Variants in HSF2BP observed in about 807,000 individuals in gnomAD.
HSF2BP encodes heat shock factor 2-binding protein.
HSF2BP carries 35 observed loss-of-function variants against 35.0 expected under a neutral mutation model. The ratio of observed to expected loss-of-function variants is 1.00; its 90% CI spans 0.76 to 1.32. The LOEUF (loss-of-function observed/expected upper bound fraction) is 1.32. HSF2BP is among the 40% of genes most tolerant of loss of function. The probability of loss-of-function intolerance (pLI) is 0.00; values close to 1 mark genes in which losing one functional copy is unlikely to be tolerated. For missense variants in HSF2BP, 326 were observed against 321.7 expected (o/e 1.01, Z -0.10); for synonymous variants, 114 against 117.4 (o/e 0.97, Z 0.18).
At chr21:43,581,011 T>C (rs17004583) in intron 8 of HSF2BP, among the ~76,000 whole-genome samples, 10,543 of 152,154 alleles carry the variant, frequency 0.069, 723 homozygotes, top group African/African-American at 0.17. Flanking sequence ...ACTGGTGCCA[T>C]GGAAAAGATG....
rs2082646678 is a variant in HSF2BP at position 43,642,236 on chromosome 21, T to C, written c.291+2053A>G. ...AAATTTAGCTGGATGTCATGGCACA[T>C]CTCTGTAGTCCCAGCCACTCTGGAG... On this transcript the variant is annotated intron_variant, in intron 4 of 8. Transcript: ENST00000291560. Among the ~76,000 whole-genome samples, 4 of 152,272 alleles carry C rather than the reference T, an allele frequency of 2.6e-5. No individual in the cohort carries two copies. The South Asian group carries it at 8.3e-4, about 32-fold the overall frequency.
At chr21:43,581,157 C>T (rs1211067783) in intron 8 of HSF2BP, among the ~76,000 whole-genome samples, 6 of 152,118 alleles carry the variant, frequency 3.9e-5, no homozygotes, top group African/African-American at 1.2e-4. Flanking sequence ...GAAGACGAGG[C>T]GGGCGGATCA....
rs549514834 is a variant in HSF2BP, at chr21:43,579,917, T to C, written c.796+12308A>G. 3.9e-5 allele frequency among the ~76,000 whole-genome samples: 6 copies of C among 152,332 alleles called. No homozygotes were observed. In the East Asian group the frequency reaches 1.2e-3, roughly 29 times the overall value. On this transcript the variant is annotated intron_variant, in intron 8 of 8. Transcript: ENST00000291560. ...GACAGGAACAGTGTTTATATCTCTATTTTGTGGATGACAGAATATCATGGA... is the reference window on the plus strand; with the variant it reads ...GACAGGAACAGTGTTTATATCTCTACTTTGTGGATGACAGAATATCATGGA...
chr21:43,506,599 CCAG>C, the HSF2BP span, among the ~76,000 whole-genome samples: 5 of 23,962 alleles, frequency 2.1e-4, no homozygotes, highest in African/African-American at 8.3e-4. Context: ...AGGCCTGTGG[CCAG>C]CAGGACAGTG....
chr21:43,647,871 G>A (rs1326489062), intron 3 of HSF2BP, among the ~76,000 whole-genome samples: 14 of 149,686 alleles, frequency 9.4e-5, no homozygotes, highest in Non-Finnish European at 2.1e-4. Flanking sequence ...GGAAGTTGCA[G>A]TGAGCCAAGA....
rs910563512 is a variant in HSF2BP at position 43,659,119 on chromosome 21, G to A, written c.-225+267C>T. Among the ~76,000 whole-genome samples, 8 of 152,120 alleles carry A rather than the reference G, an allele frequency of 5.3e-5. No individual in the cohort carries two copies. The highest frequency in any genetic ancestry group is 1.2e-4 in the Non-Finnish European group (8 of 68,014). ...TTGAGACCAGCTTGGGCAACATAGC[G>A]AGACACCGTCTCTACAAAAAAATAA... On this transcript the variant is annotated intron_variant, in intron 1 of 8. Transcript: ENST00000291560. The surrounding 1 kb of genome is among the most constrained non-coding windows in gnomAD (Gnocchi z 4.2).
At chr21:43,578,308 T>C (rs1267000054) in intron 8 of HSF2BP, among the ~76,000 whole-genome samples, 1 of 152,114 alleles carries the variant, frequency 6.6e-6, no homozygotes, top group Non-Finnish European at 1.5e-5. Flanking sequence ...TCCATACTCC[T>C]GCCCAATTAA....
intron 3 of HSF2BP, among the ~76,000 whole-genome samples, chr21:43,656,297 A>C (rs947062673): frequency 3.9e-5 from 6 of 152,240 alleles, no homozygotes; most frequent in Non-Finnish European, 8.8e-5. Context: ...AATTTTCAGA[A>C]TAGAGCTTTT....
At chr21:43,632,791 A>T (rs1353956430) in intron 5 of HSF2BP, among the ~76,000 whole-genome samples, 1 of 152,180 alleles carries the variant, frequency 6.6e-6, no homozygotes, top group Non-Finnish European at 1.5e-5. Flanking sequence ...CAGTAGAGAG[A>T]GTCAAAAGTT....
At chr21:43,616,036 C>T (rs1448900499) in intron 6 of HSF2BP, among the ~76,000 whole-genome samples, 2 of 96,808 alleles carry the variant, frequency 2.1e-5, no homozygotes, top group East Asian at 7.8e-4. Flanking sequence ...TAATACATCG[C>T]TGAAGAAAAA....
intron 5 of HSF2BP, among the ~76,000 whole-genome samples, chr21:43,632,790 G>C (rs2147020134): frequency 6.6e-6 from 1 of 152,346 alleles, no homozygotes. Context: ...ACAGTAGAGA[G>C]AGTCAAAAGT....
chr21:43,582,302 C>G (rs1261407719), intron 8 of HSF2BP, among the ~76,000 whole-genome samples: 1 of 130,790 alleles, frequency 7.6e-6, no homozygotes, highest in African/African-American at 3.4e-5. Flanking sequence ...GGATGAAGAC[C>G]TGCTGTGGGA....
chr21:43,582,051 G>A (rs368424702), intron 8 of HSF2BP, among the ~76,000 whole-genome samples: 1 of 134,884 alleles, frequency 7.4e-6, no homozygotes, highest in South Asian at 2.6e-4. Flanking sequence ...CCTGTTGTGG[G>A]GGATGAGGGC....
intron 3 of HSF2BP, among the ~76,000 whole-genome samples, chr21:43,647,713 G>A (rs2082726972): frequency 6.6e-6 from 1 of 151,962 alleles, no homozygotes; most frequent in African/African-American, 2.4e-5. Flanking sequence ...CCTGGTATGT[G>A]AGGTCAGGAG....
intron 6 of HSF2BP, among the ~76,000 whole-genome samples, chr21:43,621,714 T>C (rs1383783199): frequency 1.3e-5 from 2 of 151,958 alleles, no homozygotes; most frequent in African/African-American, 2.4e-5. Context: ...CAACCAGACC[T>C]ATCTTAGAAG....
intron 7 of HSF2BP, among the ~76,000 whole-genome samples, chr21:43,593,254 A>G (rs1170265221): frequency 6.6e-6 from 1 of 152,166 alleles, no homozygotes; most frequent in Non-Finnish European, 1.5e-5. Flanking sequence ...GAAACTTTCA[A>G]GCTTAGCATG....
chr21:43,621,119 C>A (rs543012437), intron 6 of HSF2BP, among the ~76,000 whole-genome samples: 1 of 152,314 alleles, frequency 6.6e-6, no homozygotes, highest in Admixed American at 6.5e-5. Context: ...AAGGTATATA[C>A]TAATCAAACT....
At chr21:43,645,996 T>C (rs535176818) in intron 3 of HSF2BP, among the ~76,000 whole-genome samples, 1 of 152,130 alleles carries the variant, frequency 6.6e-6, no homozygotes, top group East Asian at 1.9e-4. Context: ...CATCATAAAA[T>C]TGGCTGGCAA....
At chr21:43,650,457 G>T (rs775997135) in intron 3 of HSF2BP, among the ~76,000 whole-genome samples, 2 of 151,806 alleles carry the variant, frequency 1.3e-5, no homozygotes, top group African/African-American at 4.8e-5. Context: ...CGCCCACTTC[G>T]GCCTCCCAAA....
Sources: gnomAD v4.1 joint callset for allele counts (sites outside exome capture counted in the v4.1 genomes callset) on GRCh38, gnomAD v4.1.1 for gene constraint, Gnocchi (gnomAD v3.1) non-coding constraint, MANE v1.5 for transcripts, NCBI Gene and HGNC (gene_info 2026-07-23, HGNC 2026-07-21) for gene names.